Variants in KIAA1210 observed in about 807,000 individuals in gnomAD.
KIAA1210 encodes acrosomal protein KIAA1210.
Under a neutral mutation model 78.9 loss-of-function variants are expected in KIAA1210, and 48 were observed. That is an observed-to-expected ratio of 0.61 (90% confidence interval 0.48 to 0.77). The LOEUF is 0.77. Among genes scored for constraint, KIAA1210 ranks in the 30% least tolerant of loss-of-function variants. The pLI, the probability that KIAA1210 is intolerant of heterozygous loss-of-function variation, is 0.00. For synonymous variants in KIAA1210, 406 were observed against 404.5 expected (o/e 1.00, Z -0.04); for missense variants, 1,108 against 1,100.0 (o/e 1.01, Z -0.10).
At chrX:119,127,399 T>C (rs1447408443) in intron 1 of KIAA1210, among the ~76,000 whole-genome samples, 1 of 111,393 alleles carries the variant, frequency 9.0e-6, no homozygotes, top group Non-Finnish European at 1.9e-5. Flanking sequence ...AGAGGGCATC[T>C]TGGCTACATC....
intron 6 of KIAA1210, among the ~76,000 whole-genome samples, chrX:119,102,788 T>C (rs1438750970): frequency 8.9e-6 from 1 of 112,114 alleles, no homozygotes; most frequent in Non-Finnish European, 1.9e-5. Flanking sequence ...CTTTAAGCTT[T>C]AAGAATTTTA....
intron 2 of KIAA1210, among the ~76,000 whole-genome samples, chrX:119,134,480 A>G (rs1324108835): frequency 8.9e-6 from 1 of 112,380 alleles, no homozygotes; most frequent in Admixed American, 9.4e-5. Context: ...CCAAATGTCC[A>G]TGGATGTCAG....
chrX:119,151,066 T>TG (rs1160209724), upstream of KIAA1210, among the ~76,000 whole-genome samples: 2 of 112,548 alleles, frequency 1.8e-5, no homozygotes, highest in African/African-American at 6.5e-5. Flanking sequence ...GGCTGCCACG[T>TG]GGGGGCAGCT....
At chrX:119,099,511 T>A (rs755313644) in intron 6 of KIAA1210, among the ~76,000 whole-genome samples, 5 of 112,677 alleles carry the variant, frequency 4.4e-5, no homozygotes, top group Non-Finnish European at 9.4e-5. Flanking sequence ...ATTCTCCTCA[T>A]CTGACTATGG....
Position 119,126,841 on chromosome X carries a change from T to C in KIAA1210, c.-11+886A>G, listed in dbSNP as rs1413274212. Reference sequence around the variant, plus strand: ...ATCCCAACAATTTGGAAGGCCAAGGTGGGTGGATTGCTTGAGCCCAGGGCT... The same window carrying C: ...ATCCCAACAATTTGGAAGGCCAAGGCGGGTGGATTGCTTGAGCCCAGGGCT... On this transcript the variant is annotated intron_variant, in intron 1 of 11. Coordinates refer to ENST00000691062, the MANE Select transcript of KIAA1210 (RefSeq NM_001394962.1). Among the ~76,000 whole-genome samples the C allele has an allele frequency of 2.7e-5, 3 of 112,124 alleles. No individual in the cohort carries two copies. In the East Asian group the frequency reaches 8.4e-4, roughly 31 times the overall value.
intron 6 of KIAA1210, among the ~76,000 whole-genome samples, chrX:119,102,525 T>C (rs1210298742): frequency 5.5e-5 from 6 of 108,903 alleles, no homozygotes; most frequent in African/African-American, 2.0e-4. Flanking sequence ...ACTACAGGCA[T>C]ATGCAGCAGA....
At chrX:119,119,515 A>T (rs1377212985) in intron 2 of KIAA1210, among the ~76,000 whole-genome samples, 1 of 112,315 alleles carries the variant, frequency 8.9e-6, no homozygotes, top group Admixed American at 9.4e-5. Flanking sequence ...GATCCCTTTT[A>T]AAAGTGTTTT....
chrX:119,130,043 T>C (rs1333636686), upstream of KIAA1210, among the ~76,000 whole-genome samples: 4 of 112,258 alleles, frequency 3.6e-5, no homozygotes, highest in Admixed American at 9.5e-5. Flanking sequence ...TTATTTATGA[T>C]ATTTAGAAAA....
At chrX:119,103,502 T>C (rs1927796765) in intron 6 of KIAA1210, among the ~76,000 whole-genome samples, 1 of 111,806 alleles carries the variant, frequency 8.9e-6, no homozygotes, top group Admixed American at 9.5e-5. Flanking sequence ...GGGGATGTAA[T>C]GTAAAGTGGT....
chrX:119,088,712 C>A lies in KIAA1210; in HGVS notation c.1990G>T (p.Ala664Ser), dbSNP rs768683249. 1.7e-6 allele frequency: 2 copies of A among 1,208,837 alleles called. No homozygotes were observed. The highest frequency in any genetic ancestry group is 3.5e-5 in the African/African-American group (2 of 57,180). The change falls in exon 9 of 12, where the codon GCT (alanine) becomes TCT (serine). Residue 664 changes from alanine to serine, a missense_variant. Ala to Ser is a moderately conservative substitution (Grantham distance 99). Coordinates refer to ENST00000691062, the MANE Select transcript of KIAA1210 (RefSeq NM_001394962.1). ...EELDLRCLSQ[A>S]LEEPEDAEVF... ...TCTGCATCTTCAGGCTCCTCTAAAG[C>A]CTGGGAGAGGCATCTGAGGTCCAGC...
chrX:119,126,506 A>G lies in KIAA1210; in HGVS notation c.-11+1221T>C, dbSNP rs141835764. 8.9e-5 allele frequency among the ~76,000 whole-genome samples: 10 copies of G among 112,228 alleles called. No homozygotes were observed. The East Asian group carries it at 2.5e-3, about 28-fold the overall frequency. ...CTCAACTTTTATGAGTTAATATTACAATTCTGCCTAAAGATGACTTGAGTC... is the reference window on the plus strand; with the variant it reads ...CTCAACTTTTATGAGTTAATATTACGATTCTGCCTAAAGATGACTTGAGTC... On this transcript the variant is annotated intron_variant, in intron 1 of 11. Transcript: ENST00000691062.
chrX:119,125,557 T>C (rs979926653), intron 1 of KIAA1210, among the ~76,000 whole-genome samples: 1 of 101,652 alleles, frequency 9.8e-6, no homozygotes, highest in African/African-American at 3.6e-5. Context: ...GCTGACATTA[T>C]TTTTAGAGAC....
chrX:119,128,424 C>T (rs755563749), upstream of KIAA1210, among the ~76,000 whole-genome samples: 5 of 108,425 alleles, frequency 4.6e-5, no homozygotes, highest in African/African-American at 1.7e-4. Flanking sequence ...ACCAAACCCG[C>T]TACCCCCCTA....
At position 119,117,569 on chromosome X, in the gene KIAA1210, C is replaced by CTT. The variant is rs754223193; in HGVS notation, c.62-907_62-906dup. 3.5e-3 allele frequency among the ~76,000 whole-genome samples: 319 copies of CTT among 91,785 alleles called. 1 individual carries two copies. The highest frequency in any genetic ancestry group is 0.011 in the Middle Eastern group (2 of 174). The allele number at this position is 91,785 out of a possible 115,157, so 79.7% of individuals were successfully genotyped here. A position where few individuals can be genotyped will look rare whatever the true frequency, so the allele number is the denominator to read the frequency against. ...TAAGGTGCTGTCTGTTTGGGCTTTACTTTTTTTTTTTTTTTTTGAGACAGA... is the reference window on the plus strand; with the variant it reads ...TAAGGTGCTGTCTGTTTGGGCTTTACTTTTTTTTTTTTTTTTTTTGAGACAGA... On this transcript the variant is annotated intron_variant, in intron 2 of 11. Coordinates refer to ENST00000691062, the MANE Select transcript of KIAA1210 (RefSeq NM_001394962.1).
exon 1 of KIAA1210, chrX:119,150,504 C>T: frequency 8.3e-7 from 1 of 1,211,160 alleles, no homozygotes; most frequent in Non-Finnish European, 1.1e-6. Flanking sequence ...CCCAGGTGAG[C>T]CAGGTAGGGG....
Position 119,089,394 on chromosome X carries a change from T to C in KIAA1210, c.1308A>G (p.Ser436=), listed in dbSNP as rs777708275. 3 of 1,211,811 alleles carry C rather than the reference T, an allele frequency of 2.5e-6. No homozygotes were observed. The Admixed American group carries it at 6.5e-5, about 26-fold the overall frequency. ...TTCTCCTTCCCATGTCATCTTTATC[T>C]GAAAGCAACCCCTGAGGGGTAGTGG... is the stretch of plus-strand genomic sequence containing the variant. The part of the protein sequence containing the change: ...PETTTPQGLL[S]DKDDMGRRNA... The change falls in exon 9 of 12, where the codon TCA becomes TCG. Residue 436 remains serine (S), a synonymous_variant. Coordinates refer to ENST00000691062, the MANE Select transcript of KIAA1210 (RefSeq NM_001394962.1).
At chrX:119,089,821 GC>G (rs754834515) in intron 8 of KIAA1210, 75 bp from the exon 9 acceptor site, 142 of 969,185 alleles carry the variant, frequency 1.5e-4, no homozygotes, top group Middle Eastern at 6.0e-4. Context: ...CTGTGCCCTG[GC>G]CCAGTGGTAC....
intron 1 of KIAA1210, among the ~76,000 whole-genome samples, chrX:119,149,432 C>A (rs1054460605): frequency 3.7e-4 from 41 of 110,902 alleles, no homozygotes; most frequent in African/African-American, 1.3e-3. Flanking sequence ...TAGCTTTGTG[C>A]CGAATTGTCA....
intron 1 of KIAA1210, among the ~76,000 whole-genome samples, chrX:119,149,906 C>T (rs897368417): frequency 2.4e-4 from 27 of 111,215 alleles, no homozygotes; most frequent in African/African-American, 8.2e-4. Flanking sequence ...ACTTCTTGGC[C>T]CCAGTCCCCC....
Sources: gnomAD v4.1 joint callset for allele counts (sites outside exome capture counted in the v4.1 genomes callset) on GRCh38, gnomAD v4.1.1 for gene constraint, MANE v1.5 for transcripts, NCBI Gene and HGNC (gene_info 2026-07-23, HGNC 2026-07-21) for gene names.